The following IGSF11 variants were observed in gnomAD, a reference collection of about 807,000 sequenced individuals.
IGSF11 encodes the protein immunoglobulin superfamily member 11.
IGSF11 carries 22 observed loss-of-function variants against 41.0 expected under a neutral mutation model. The ratio of observed to expected loss-of-function variants is 0.54; its 90% CI spans 0.38 to 0.77. IGSF11 has a LOEUF of 0.77. Ranked by LOEUF, IGSF11 falls within the 30% of genes least tolerant of loss-of-function variation. The pLI is 0.00. For synonymous variants in IGSF11, 219 were observed against 201.3 expected (o/e 1.09, Z -0.74); for missense variants, 444 against 530.8 (o/e 0.84, Z 1.61).
chr3:119,010,603 C>T (rs926437878), intron 1 of IGSF11, among the ~76,000 whole-genome samples: 2 of 152,128 alleles, frequency 1.3e-5, no homozygotes, highest in Non-Finnish European at 2.9e-5. Context: ...CTCTTTCTTG[C>T]CCTCAGACAT....
At chr3:119,034,106 A>T (rs1221330921) in intron 1 of IGSF11, among the ~76,000 whole-genome samples, 1 of 152,236 alleles carries the variant, frequency 6.6e-6, no homozygotes, top group Non-Finnish European at 1.5e-5. Flanking sequence ...GTTACGTTAA[A>T]GCTATAAAGT....
At chr3:119,056,020 G>A (rs989680661) in intron 1 of IGSF11, among the ~76,000 whole-genome samples, 1 of 152,078 alleles carries the variant, frequency 6.6e-6, no homozygotes, top group Non-Finnish European at 1.5e-5. Flanking sequence ...GAGAAAGCAG[G>A]AAAGATCTAA....
chr3:118,905,414 T>C (rs190124078), intron 5 of IGSF11, among the ~76,000 whole-genome samples, 182 bp downstream of exon 5: 2 of 152,336 alleles, frequency 1.3e-5, no homozygotes, highest in Admixed American at 6.5e-5. Context: ...ATCATATTGC[T>C]GAGGCTGGAA....
At chr3:118,951,516 C>T (rs1944566390) in intron 1 of IGSF11, among the ~76,000 whole-genome samples, 1 of 152,110 alleles carries the variant, frequency 6.6e-6, no homozygotes, top group South Asian at 2.1e-4. Flanking sequence ...TTTCACAAAA[C>T]ATCACTTCAA....
At chr3:119,001,656 A>G (rs1382425734) in intron 1 of IGSF11, among the ~76,000 whole-genome samples, 9 of 128,494 alleles carry the variant, frequency 7.0e-5, no homozygotes, top group East Asian at 2.4e-4. Context: ...AGAGTGTGAT[A>G]TTCCCCTTCC....
chr3:119,094,223 T>TAAAAAAAAAAAAAAAAAAAAAAAAA (rs1175348778), intron 1 of IGSF11, among the ~76,000 whole-genome samples: 4 of 35,074 alleles, frequency 1.1e-4, no homozygotes, highest in East Asian at 1.3e-3. Flanking sequence ...CATAGCGAAG[T>TAAAAAAAAAAAAAAAAAAAAAAAAA]AAAAAAAAAA....
At chr3:119,061,749 T>C (rs1479927235) in intron 1 of IGSF11, among the ~76,000 whole-genome samples, 1 of 150,850 alleles carries the variant, frequency 6.6e-6, no homozygotes, top group Non-Finnish European at 1.5e-5. Flanking sequence ...TGTATCTATA[T>C]ACGTGGTTCC....
chr3:119,092,340 C>CT (rs762651125), intron 1 of IGSF11, among the ~76,000 whole-genome samples: 7 of 151,580 alleles, frequency 4.6e-5, no homozygotes, highest in South Asian at 4.2e-4. Flanking sequence ...TTCTTTCTTT[C>CT]TTTTTTTTGT....
upstream of IGSF11, among the ~76,000 whole-genome samples, chr3:119,038,339 C>T (rs1940989882): frequency 6.6e-6 from 1 of 152,176 alleles, no homozygotes; most frequent in Non-Finnish European, 1.5e-5. Flanking sequence ...GTCTTTCTTA[C>T]ATCTGTTTCT....
chr3:118,960,499 C>T (rs1239333950), intron 1 of IGSF11, among the ~76,000 whole-genome samples: 1 of 152,036 alleles, frequency 6.6e-6, no homozygotes, highest in Non-Finnish European at 1.5e-5. Context: ...GTATCCTATA[C>T]AGGTATTAAT....
chr3:118,993,529 A>G (rs1935984519), intron 1 of IGSF11, among the ~76,000 whole-genome samples: 1 of 152,226 alleles, frequency 6.6e-6, no homozygotes, highest in African/African-American at 2.4e-5. Context: ...AAATAAAAAC[A>G]TATCACATAA....
chr3:119,122,845 C>T (rs1182416528), intron 1 of IGSF11, among the ~76,000 whole-genome samples: 1 of 152,186 alleles, frequency 6.6e-6, no homozygotes, highest in Admixed American at 6.5e-5. Context: ...AGCAGTGATA[C>T]CCAGGTAGTA....
intron 1 of IGSF11, among the ~76,000 whole-genome samples, chr3:118,972,443 T>C (rs1933551589): frequency 6.6e-6 from 1 of 152,230 alleles, no homozygotes; most frequent in Non-Finnish European, 1.5e-5. Flanking sequence ...GTCTATTGTC[T>C]TCTCTCCTGG....
intron 1 of IGSF11, among the ~76,000 whole-genome samples, chr3:118,994,656 TGAGAC>T (rs1936098764): frequency 6.6e-6 from 1 of 152,112 alleles, no homozygotes. Context: ...AGAGAAGAGA[TGAGAC>T]GAGAAGAGGA....
intron 1 of IGSF11, among the ~76,000 whole-genome samples, chr3:119,025,770 T>C (rs1939760494): frequency 6.6e-6 from 1 of 152,154 alleles, no homozygotes; most frequent in African/African-American, 2.4e-5. Context: ...AATTGCACTT[T>C]GGGCAAGCTA....
chr3:119,025,705 G>A (rs999123410), intron 1 of IGSF11, among the ~76,000 whole-genome samples: 4 of 151,850 alleles, frequency 2.6e-5, no homozygotes, highest in Non-Finnish European at 4.4e-5. Flanking sequence ...TACTGGGTTT[G>A]AATTACGACA....
chr3:118,939,141 G>A (rs1335411511), intron 1 of IGSF11, among the ~76,000 whole-genome samples: 1 of 152,074 alleles, frequency 6.6e-6, no homozygotes, highest in African/African-American at 2.4e-5. Context: ...AGTAGACATG[G>A]AACATCCAAT....
upstream of IGSF11, among the ~76,000 whole-genome samples, chr3:119,106,613 T>A (rs1243693001): frequency 6.6e-6 from 1 of 152,080 alleles, no homozygotes; most frequent in African/African-American, 2.4e-5. Context: ...ACACTTCAAG[T>A]TTTAGGGTAC....
intron 1 of IGSF11, among the ~76,000 whole-genome samples, chr3:119,062,841 C>A (rs1482785475): frequency 1.3e-5 from 2 of 152,076 alleles, no homozygotes; most frequent in South Asian, 4.1e-4. Context: ...AGGAACCCAC[C>A]CTCTGCTTCT....
Sources: gnomAD v4.1 joint callset for allele counts (sites outside exome capture counted in the v4.1 genomes callset) on GRCh38, gnomAD v4.1.1 for gene constraint, MANE v1.5 for transcripts, NCBI Gene and HGNC (gene_info 2026-07-23, HGNC 2026-07-21) for gene names.